The following GRIP1 variants were observed in gnomAD, a reference collection of about 807,000 sequenced individuals.
The protein encoded by GRIP1 is glutamate receptor-interacting protein 1.
A neutral mutation model predicts 129.9 loss-of-function variants in GRIP1; 45 were observed. That is an observed-to-expected ratio of 0.35 (90% CI 0.27 to 0.44). GRIP1 has a LOEUF of 0.44. GRIP1 is among the 20% of genes least tolerant of loss of function. The probability of loss-of-function intolerance (pLI) is 1.00; values close to 1 mark genes in which losing one functional copy is unlikely to be tolerated. For missense variants in GRIP1, 1,196 were observed against 1,396.8 expected, an observed-to-expected ratio of 0.86 and a Z score of 2.29; for synonymous variants, 530 against 520.8, an observed-to-expected ratio of 1.02 and a Z score of -0.24.
chr12:66,948,267 A>C (rs1406529558), intron 1 of GRIP1, among the ~76,000 whole-genome samples: 3 of 152,222 alleles, frequency 2.0e-5, no homozygotes, highest in Non-Finnish European at 4.4e-5. Context: ...TCCCTCCTTA[A>C]ACATTTTTTA....
intron 1 of GRIP1, among the ~76,000 whole-genome samples, chr12:66,810,760 G>T (rs1295396767): frequency 6.6e-6 from 1 of 152,080 alleles, no homozygotes; most frequent in Non-Finnish European, 1.5e-5. Context: ...ATGTTTAAAA[G>T]ACTTTTTCCA....
chr12:66,867,198 A>C (rs575897622), intron 1 of GRIP1, among the ~76,000 whole-genome samples: 33 of 150,234 alleles, frequency 2.2e-4, no homozygotes, highest in Non-Finnish European at 3.7e-4. Flanking sequence ...CATGTTGGCC[A>C]GGCTGGTCTC....
intron 1 of GRIP1, among the ~76,000 whole-genome samples, chr12:66,723,295 T>C (rs1161390974): frequency 5.1e-4 from 10 of 19,598 alleles, no homozygotes; most frequent in Non-Finnish European, 7.0e-4. Flanking sequence ...TTTCTTTCTT[T>C]CTTTCTTTCT....
chr12:66,532,525 T>C (rs994043535), intron 4 of GRIP1, among the ~76,000 whole-genome samples: 6 of 152,186 alleles, frequency 3.9e-5, no homozygotes, highest in African/African-American at 1.2e-4. Flanking sequence ...CCTGTCTCAA[T>C]AGGAGTTGTG....
chr12:66,535,546 G>T (rs2061580947), intron 4 of GRIP1, among the ~76,000 whole-genome samples: 2 of 152,170 alleles, frequency 1.3e-5, no homozygotes, highest in African/African-American at 4.8e-5. Context: ...AAGGCTCAGA[G>T]AATTTAAATA....
At chr12:66,455,682 G>A (rs2058938792) in intron 10 of GRIP1, 118 bp from the exon 11 acceptor site, 1 of 913,832 alleles carries the variant, frequency 1.1e-6, no homozygotes, top group African/African-American at 1.6e-5. Flanking sequence ...GGCTAGGAAG[G>A]ACCCCAGCCA....
At chr12:66,692,073 C>T (rs2035001444) in intron 1 of GRIP1, among the ~76,000 whole-genome samples, 1 of 152,050 alleles carries the variant, frequency 6.6e-6, no homozygotes, top group Non-Finnish European at 1.5e-5. Context: ...CTTTTTTCCT[C>T]CCACCTTCAG....
intron 1 of GRIP1, among the ~76,000 whole-genome samples, chr12:66,706,349 T>C (rs186202214): frequency 6.6e-6 from 1 of 152,210 alleles, no homozygotes; most frequent in Admixed American, 6.6e-5. Flanking sequence ...TGCAATAAGA[T>C]ACCAAGTCAG....
In GRIP1 at chr12:66,835,569, C is replaced by T. The variant is rs375010389; in HGVS notation, c.58+233481G>A. On this transcript the variant is annotated intron_variant, in intron 1 of 1. Transcript: ENST00000643019. ...ATCCAGATACTAGAATACTATTTAG[C>T]ACCAACAAGAAATGAAGTATTAAGC... 5.9e-5 allele frequency among the ~76,000 whole-genome samples: 9 copies of T among 152,192 alleles called. No homozygotes were observed. In the South Asian group the frequency reaches 1.0e-3, roughly 18 times the overall value.
At chr12:66,428,196 C>T (rs1363344369) in intron 14 of GRIP1, among the ~76,000 whole-genome samples, 1 of 152,180 alleles carries the variant, frequency 6.6e-6, no homozygotes, top group Non-Finnish European at 1.5e-5. Context: ...CACACACACA[C>T]ATACAAACTC....
At chr12:66,883,504 A>G (rs565081733) in intron 1 of GRIP1, among the ~76,000 whole-genome samples, 14 of 152,316 alleles carry the variant, frequency 9.2e-5, no homozygotes, top group African/African-American at 3.4e-4. Flanking sequence ...AGACACATTC[A>G]TGGAAGGCTG....
chr12:66,993,051 T>C (rs1036901798), intron 1 of GRIP1, among the ~76,000 whole-genome samples: 10 of 151,874 alleles, frequency 6.6e-5, no homozygotes, highest in Admixed American at 3.3e-4. Flanking sequence ...GAGGCGGACA[T>C]TGCAGTGAGC....
intron 23 of GRIP1, 33 bp from the exon 24 acceptor site, chr12:66,353,596 CTGGGG>C: frequency 2.5e-6 from 4 of 1,606,682 alleles, no homozygotes; most frequent in Non-Finnish European, 2.6e-6. Flanking sequence ...GAATATTTAG[CTGGGG>C]TGGAGACTTT....
intron 20 of GRIP1, among the ~76,000 whole-genome samples, chr12:66,378,564 T>G (rs1158294848): frequency 6.6e-6 from 1 of 151,908 alleles, no homozygotes; most frequent in African/African-American, 2.4e-5. Context: ...CTGGTCAACA[T>G]GACAAAACCC....
chr12:66,863,978 G>A (rs181365934), intron 1 of GRIP1, among the ~76,000 whole-genome samples: 201 of 152,144 alleles, frequency 1.3e-3, no homozygotes, highest in African/African-American at 4.7e-3. Flanking sequence ...ACCACTAGAA[G>A]GTTTTGAGCA....
rs144864808 is a variant in GRIP1 at position 66,347,870 on chromosome 12, T to C, written c.*1149A>G. On this transcript the variant is annotated 3_prime_UTR_variant, in exon 25 of 25. Transcript: ENST00000359742. The stretch of plus-strand genomic sequence containing the variant: ...TGTTTGGAAAATAATCATTTCAATA[T>C]GGAGAGTCTACCATCAATATACAGA... 21 of 152,328 alleles carry C rather than the reference T, an allele frequency of 1.4e-4. No homozygotes were observed. The East Asian group carries it at 4.0e-3, about 29-fold the overall frequency. 9.4% of individuals were successfully genotyped at this position (152,328 alleles called of 1,614,324 possible).
At chr12:66,691,879 G>A (rs74098237) in intron 1 of GRIP1, among the ~76,000 whole-genome samples, 4,996 of 152,150 alleles carry the variant, frequency 0.033, 274 homozygotes, top group African/African-American at 0.11. Flanking sequence ...TGCACCAACC[G>A]CTAAGACCCA....
At chr12:66,369,881 C>A (rs2055388468) in intron 23 of GRIP1, among the ~76,000 whole-genome samples, 1 of 152,092 alleles carries the variant, frequency 6.6e-6, no homozygotes, top group African/African-American at 2.4e-5. Context: ...TGTGACTTAC[C>A]CATCAGACAC....
At chr12:66,932,214 T>C (rs143584439) in intron 1 of GRIP1, among the ~76,000 whole-genome samples, 2 of 152,296 alleles carry the variant, frequency 1.3e-5, no homozygotes, top group South Asian at 2.1e-4. Context: ...GTGTATCATG[T>C]ATCTCAGTTA....
Sources: gnomAD v4.1 joint callset for allele counts (sites outside exome capture counted in the v4.1 genomes callset) on GRCh38, gnomAD v4.1.1 for gene constraint, MANE v1.5 for transcripts, NCBI Gene and HGNC (gene_info 2026-07-23, HGNC 2026-07-21) for gene names.